SYT17: variants seen among roughly 807,000 people sequenced by gnomAD.
SYT17 encodes the protein synaptotagmin-17.
SYT17 carries 22 observed loss-of-function variants against 46.7 expected under a neutral mutation model. The observed-to-expected ratio is 0.47, with a 90% CI of 0.34 to 0.67. The LOEUF is 0.67. Among genes scored for constraint, SYT17 ranks in the 30% least tolerant of loss-of-function variants. The probability of loss-of-function intolerance (pLI) is 0.01; values close to 1 mark genes in which losing one functional copy is unlikely to be tolerated. For synonymous variants in SYT17, 251 were observed against 248.4 expected (o/e 1.01, Z -0.10); for missense variants, 519 against 612.8 (o/e 0.85, Z 1.62).
chr16:19,247,299 A>G (rs531135530), intron 7 of SYT17, among the ~76,000 whole-genome samples: 1 of 152,330 alleles, frequency 6.6e-6, no homozygotes, highest in South Asian at 2.1e-4. Flanking sequence ...GCTTAGAAAC[A>G]TTGTTAGAGT....
chr16:19,225,732 T>TTGGACAG, intron 7 of SYT17, among the ~76,000 whole-genome samples: 1 of 152,346 alleles, frequency 6.6e-6, no homozygotes, highest in South Asian at 2.1e-4. Flanking sequence ...TTCCTGGTTG[T>TTGGACAG]TGGCCAGTGA....
intron 3 of SYT17, among the ~76,000 whole-genome samples, chr16:19,174,146 A>T (rs150513222): frequency 6.6e-6 from 1 of 152,270 alleles, no homozygotes; most frequent in African/African-American, 2.4e-5. Flanking sequence ...CTGTCCTCCA[A>T]CGCTGTTTAT....
At chr16:19,219,891 G>T (rs1473353441) in intron 5 of SYT17, among the ~76,000 whole-genome samples, 2 of 152,118 alleles carry the variant, frequency 1.3e-5, no homozygotes, top group African/African-American at 4.8e-5. Flanking sequence ...AAAATAAAAG[G>T]AAATATCACT....
chr16:19,175,312 A>G (rs1315057324), intron 3 of SYT17, among the ~76,000 whole-genome samples: 1 of 152,116 alleles, frequency 6.6e-6, no homozygotes, highest in Non-Finnish European at 1.5e-5. Context: ...TGAATCCTAC[A>G]GGTGTGTGTA....
intron 5 of SYT17, among the ~76,000 whole-genome samples, chr16:19,219,507 C>T (rs1283145860): frequency 3.3e-5 from 5 of 152,010 alleles, no homozygotes; most frequent in Non-Finnish European, 1.5e-5. Context: ...TGTCGTAAGT[C>T]GCCAATATTT....
intron 1 of SYT17, 98 bp from the exon 2 acceptor site, chr16:19,172,662 T>G (rs1567195736): frequency 8.9e-6 from 14 of 1,576,592 alleles, no homozygotes; most frequent in Non-Finnish European, 1.2e-5. Flanking sequence ...AAAATTTTTT[T>G]GAGTTGCTGG....
intron 7 of SYT17, among the ~76,000 whole-genome samples, chr16:19,243,819 CAAAAAAAA>C (rs760219447): frequency 1.2e-4 from 7 of 56,920 alleles, no homozygotes; most frequent in Admixed American, 6.9e-4. Context: ...AAAACTCCAT[CAAAAAAAA>C]AAAAAAAAAA....
intron 7 of SYT17, among the ~76,000 whole-genome samples, chr16:19,228,220 CT>C (rs1452709477): frequency 6.6e-6 from 1 of 152,160 alleles, no homozygotes; most frequent in African/African-American, 2.4e-5. Context: ...ACCACACCCC[CT>C]CTCCATACAT....
Position 19,221,365 on chromosome 16 carries a change from T to C in SYT17, c.952-1680T>C, listed in dbSNP as rs1446157440. On this transcript the variant is annotated intron_variant, in intron 5 of 7. Transcript: ENST00000355377. ...ATCTTTGTCACTTGCCTGGTGGGAA[T>C]GCCAGCGTTACCAGATCTTCCTGTT... is the stretch of plus-strand genomic sequence containing the variant. 2.0e-5 allele frequency among the ~76,000 whole-genome samples: 3 copies of C among 152,144 alleles called. No homozygotes were observed. The East Asian group carries it at 5.8e-4, about 29-fold the overall frequency.
chr16:19,208,729 T>C (rs1965766942), intron 5 of SYT17, among the ~76,000 whole-genome samples: 1 of 152,100 alleles, frequency 6.6e-6, no homozygotes, highest in Non-Finnish European at 1.5e-5. Context: ...ATTTGGTGTC[T>C]ATTGGCTTAT....
intron 3 of SYT17, among the ~76,000 whole-genome samples, chr16:19,174,494 G>C (rs1273721469): frequency 6.6e-6 from 1 of 152,210 alleles, no homozygotes; most frequent in Non-Finnish European, 1.5e-5. Flanking sequence ...TCAGTCCTTG[G>C]CCTGAGATTC....
At chr16:19,218,163 T>C (rs567024167) in intron 5 of SYT17, among the ~76,000 whole-genome samples, 1 of 152,372 alleles carries the variant, frequency 6.6e-6, no homozygotes, top group South Asian at 2.1e-4. Context: ...GCCAGGACTA[T>C]GGTGATTTCT....
At chr16:19,222,091 A>G (rs1236931004) in intron 5 of SYT17, among the ~76,000 whole-genome samples, 2 of 152,210 alleles carry the variant, frequency 1.3e-5, no homozygotes, top group African/African-American at 4.8e-5. Flanking sequence ...CATCAGTTAA[A>G]GATGCATTCT....
In SYT17 at chr16:19,224,722, T is replaced by A; in HGVS notation, c.1112T>A (p.Leu371His). The change falls in exon 7 of 8, where the codon CTT becomes CAT. Residue 371 changes from leucine to histidine, a missense_variant. By Grantham distance (99) the Leu-to-His change is moderately conservative. Transcript: ENST00000355377. ...VKIQLVHGLK[L>H]VKTKKTSFLR... ...ATCCAGCTGGTGCATGGACTCAAAC[T>A]TGTGAAAACCAAGAAGACGTCCTTC... The A allele has an allele frequency of 6.2e-7, 1 of 1,614,112 alleles. No individual in the cohort carries two copies. Among genetic ancestry groups the A allele is most frequent in the Non-Finnish European group, 8.5e-7 (1 of 1,179,980 alleles).
In SYT17 at chr16:19,183,229, A is replaced by T. The variant is rs1964627013; in HGVS notation, c.332-299A>T. Among the ~76,000 whole-genome samples the T allele has an allele frequency of 6.6e-6, 1 of 152,226 alleles. No homozygotes were observed. The highest frequency in any genetic ancestry group is 2.4e-5 in the African/African-American group (1 of 41,454). ...GTTTCCTCGTCTATAAAGTGGGGATAATAGTAATTATCTAATAATTCAAGG... is the reference window on the plus strand; with the variant it reads ...GTTTCCTCGTCTATAAAGTGGGGATTATAGTAATTATCTAATAATTCAAGG... On this transcript the variant is annotated intron_variant, in intron 4 of 7. Transcript: ENST00000355377. This position sits in a 1 kb window ranked among gnomAD's most constrained non-coding sequence, Gnocchi z 5.6.
intron 7 of SYT17, among the ~76,000 whole-genome samples, chr16:19,265,947 A>G (rs946985354): frequency 6.6e-6 from 1 of 152,252 alleles, no homozygotes; most frequent in Admixed American, 6.5e-5. Context: ...CAGAGGAAAC[A>G]TGAAGTCTCT....
At chr16:19,181,465 G>T (rs922430620) in intron 4 of SYT17, among the ~76,000 whole-genome samples, 1 of 87,196 alleles carries the variant, frequency 1.1e-5, no homozygotes, top group Admixed American at 1.0e-4. Context: ...AGAGGGAAAA[G>T]AAAAAAGTAG....
intron 7 of SYT17, among the ~76,000 whole-genome samples, chr16:19,250,436 C>G (rs1253493653): frequency 6.6e-6 from 1 of 150,944 alleles, no homozygotes; most frequent in Non-Finnish European, 1.5e-5. Context: ...ATTGCCCAGG[C>G]TGGAGTGCAG....
chr16:19,173,405 CGCCCA>C lies in SYT17; in HGVS notation c.34-24_34-20del. The C allele has an allele frequency of 8.0e-7, 1 of 1,250,836 alleles. No individual in the cohort carries two copies. Among genetic ancestry groups the C allele is most frequent in the Non-Finnish European group, 1.1e-6 (1 of 907,406 alleles). 77.5% of individuals were successfully genotyped at this position (1,250,836 alleles called of 1,614,324 possible). On this transcript the variant is annotated intron_variant, in intron 2 of 7. Transcript: ENST00000355377. ...CCACCTCCCCTCTCCCCCATCCCCC[CGCCCA>C]CCTCCCCCAATGGCCTCAGGGTTTT...
Sources: allele counts gnomAD v4.1 joint callset (sites outside exome capture counted in the v4.1 genomes callset), GRCh38; gene constraint gnomAD v4.1.1; non-coding constraint Gnocchi (gnomAD v3.1); transcripts MANE v1.5; gene names NCBI Gene and HGNC (gene_info 2026-07-23, HGNC 2026-07-21).